Variants in OSBPL10 observed in about 807,000 individuals in gnomAD.
The protein encoded by OSBPL10 is oxysterol binding protein like 10.
A neutral mutation model predicts 81.7 loss-of-function variants in OSBPL10; 49 were observed. The ratio of observed to expected loss-of-function variants is 0.60; its 90% confidence interval spans 0.48 to 0.76. The LOEUF (loss-of-function observed/expected upper bound fraction) is 0.76, where lower values mean the gene tolerates loss of function less well. Among genes scored for constraint, OSBPL10 ranks in the 30% least tolerant of loss-of-function variants. OSBPL10 has a pLI of 0.00. For synonymous variants in OSBPL10, 419 were observed against 383.6 expected, an observed-to-expected ratio of 1.09 and a Z score of -1.08; for missense variants, 923 against 987.8, an observed-to-expected ratio of 0.93 and a Z score of 0.88.
intron 2 of OSBPL10, among the ~76,000 whole-genome samples, chr3:32,038,120 T>C (rs1379999100): frequency 2.0e-5 from 3 of 152,114 alleles, no homozygotes; most frequent in Non-Finnish European, 4.4e-5. Flanking sequence ...AGGAGGAAGC[T>C]ACATGAGTCC....
intron 1 of OSBPL10, among the ~76,000 whole-genome samples, chr3:31,909,512 AAAAG>A (rs1245856032): frequency 2.0e-5 from 3 of 152,250 alleles, no homozygotes; most frequent in East Asian, 1.9e-4. Flanking sequence ...TTTAAAAAAA[AAAAG>A]AAAGAAAGGG....
chr3:31,842,551 C>T (rs1700525703), intron 3 of OSBPL10, among the ~76,000 whole-genome samples: 1 of 152,226 alleles, frequency 6.6e-6, no homozygotes, highest in Non-Finnish European at 1.5e-5. Context: ...ACTATGGCTT[C>T]TGACCCAGCA....
intron 8 of OSBPL10, among the ~76,000 whole-genome samples, chr3:31,673,986 T>G (rs1700391205): frequency 1.3e-5 from 2 of 152,128 alleles, no homozygotes; most frequent in Non-Finnish European, 2.9e-5. Flanking sequence ...GGTCTCCCTG[T>G]GTTGCCCAAG....
intron 1 of OSBPL10, among the ~76,000 whole-genome samples, chr3:31,943,560 T>C (rs1697597210): frequency 6.6e-6 from 1 of 152,202 alleles, no homozygotes; most frequent in African/African-American, 2.4e-5. Context: ...TCCCTTAAAA[T>C]CTTACTGTCT....
intron 1 of OSBPL10, among the ~76,000 whole-genome samples, chr3:31,922,923 A>C (rs1325737463): frequency 6.6e-6 from 1 of 152,156 alleles, no homozygotes; most frequent in Non-Finnish European, 1.5e-5. Flanking sequence ...GCTATTTTTA[A>C]GTGATACCAG....
At chr3:31,837,093 C>CTAATTGTGA (rs1700373081) in intron 3 of OSBPL10, among the ~76,000 whole-genome samples, 1 of 152,024 alleles carries the variant, frequency 6.6e-6, no homozygotes, top group African/African-American at 2.4e-5. Context: ...TCAGCCCCTT[C>CTAATTGTGA]AGCTGGGCCT....
chr3:31,670,832 G>C lies in OSBPL10; in HGVS notation c.1878C>G (p.Phe626Leu). Residue 626 changes from phenylalanine (F) to leucine (L), a missense_variant, in exon 9 of 12, where the codon TTC (phenylalanine) becomes TTG (leucine). By Grantham distance (22) the Phe-to-Leu change is conservative. Coordinates refer to ENST00000396556, the MANE Select transcript of OSBPL10 (RefSeq NM_017784.5). ...TCCCTCCATAGAAAGGCTTCGTGTG[G>C]AATATCACTGTCGCTGAGTACCCAG... ...AKTGYSATVI[F>L]HTKPFYGGKV... The C allele has an allele frequency of 1.2e-6, 2 of 1,614,170 alleles. No individual in the cohort carries two copies. Among genetic ancestry groups the C allele is most frequent in the Non-Finnish European group, 1.7e-6 (2 of 1,180,022 alleles).
chr3:31,926,662 A>G (rs1286266826), intron 1 of OSBPL10, among the ~76,000 whole-genome samples: 1 of 152,152 alleles, frequency 6.6e-6, no homozygotes, highest in Non-Finnish European at 1.5e-5. Flanking sequence ...GGACGCCTGA[A>G]CTGGTCTGAA....
At chr3:31,694,531 T>C (rs1285168577) in intron 7 of OSBPL10, among the ~76,000 whole-genome samples, 2 of 152,208 alleles carry the variant, frequency 1.3e-5, no homozygotes, top group Non-Finnish European at 2.9e-5. Flanking sequence ...ACGTAGTCAA[T>C]GCTTTCTAAA....
At chr3:31,840,526 A>C (rs1337983250) in intron 3 of OSBPL10, among the ~76,000 whole-genome samples, 2 of 152,220 alleles carry the variant, frequency 1.3e-5, no homozygotes, top group African/African-American at 4.8e-5. Context: ...ACTAATTACT[A>C]TTCCAAGCTT....
At chr3:31,679,053 C>T (rs1700568828) in intron 8 of OSBPL10, among the ~76,000 whole-genome samples, 1 of 152,076 alleles carries the variant, frequency 6.6e-6, no homozygotes, top group African/African-American at 2.4e-5. Context: ...GGCTTTATCT[C>T]CTCTCTTCCC....
chr3:31,921,061 G>A (rs1167557569), intron 1 of OSBPL10, among the ~76,000 whole-genome samples: 1 of 152,122 alleles, frequency 6.6e-6, no homozygotes, highest in Admixed American at 6.5e-5. Context: ...TATTGAAGTG[G>A]GGGTGAACGA....
chr3:32,029,510 G>A (rs146599457), intron 2 of OSBPL10, among the ~76,000 whole-genome samples: 63 of 152,274 alleles, frequency 4.1e-4, no homozygotes, highest in African/African-American at 1.5e-3. Context: ...CAAGAATTGA[G>A]GTTGCTGCAG....
intron 3 of OSBPL10, among the ~76,000 whole-genome samples, chr3:31,872,147 C>T (rs765429937): frequency 7.2e-5 from 11 of 152,220 alleles, no homozygotes; most frequent in Admixed American, 2.0e-4. Context: ...CCGGAAACCA[C>T]AGGATGAACC....
At chr3:31,965,152 G>A (rs948868560) in intron 1 of OSBPL10, among the ~76,000 whole-genome samples, 1 of 151,606 alleles carries the variant, frequency 6.6e-6, no homozygotes, top group Non-Finnish European at 1.5e-5. Context: ...GGCGGATCAC[G>A]AGGTCAGGAG....
chr3:31,901,134 T>A (rs921486978), intron 1 of OSBPL10, among the ~76,000 whole-genome samples: 1 of 152,228 alleles, frequency 6.6e-6, no homozygotes, highest in Non-Finnish European at 1.5e-5. Context: ...ACATTTTAAA[T>A]CCTGTAGTCA....
At chr3:31,740,857 T>TTATATATATATATATATTTATATATATA (rs145097507) in intron 5 of OSBPL10, among the ~76,000 whole-genome samples, 1 of 136,390 alleles carries the variant, frequency 7.3e-6, no homozygotes, top group African/African-American at 3.4e-5. Context: ...CTACTAGAAT[T>TTATATATATATATATATTTATATATATA]TATATATATA....
chr3:32,023,951 C>T (rs1246974952), intron 2 of OSBPL10, among the ~76,000 whole-genome samples: 1 of 152,022 alleles, frequency 6.6e-6, no homozygotes, highest in Non-Finnish European at 1.5e-5. Context: ...AATCTTAAAC[C>T]GATAAACTGT....
chr3:31,860,327 G>C (rs184728353), intron 3 of OSBPL10, among the ~76,000 whole-genome samples: 36 of 152,266 alleles, frequency 2.4e-4, no homozygotes, highest in Admixed American at 1.5e-3. Flanking sequence ...CAGGTCTATG[G>C]AGATGTAAAA....
Sources: gnomAD v4.1 joint callset for allele counts (sites outside exome capture counted in the v4.1 genomes callset) on GRCh38, gnomAD v4.1.1 for gene constraint, MANE v1.5 for transcripts, NCBI Gene and HGNC (gene_info 2026-07-23, HGNC 2026-07-21) for gene names.